RANBP2: variants seen among roughly 807,000 people sequenced by gnomAD.
RANBP2 encodes the protein E3 SUMO-protein ligase RanBP2.
Under a neutral mutation model 303.6 loss-of-function variants are expected in RANBP2, and 57 were observed. That is an observed-to-expected ratio of 0.19 (90% confidence interval 0.15 to 0.23). The LOEUF (loss-of-function observed/expected upper bound fraction) is 0.23. RANBP2 is among the 10% of genes least tolerant of loss of function. The pLI, the probability that RANBP2 is intolerant of heterozygous loss-of-function variation, is 1.00. For missense variants in RANBP2, 3,138 were observed against 3,780.8 expected, an observed-to-expected ratio of 0.83 and a Z score of 4.46; for synonymous variants, 1,167 against 1,301.5, an observed-to-expected ratio of 0.90 and a Z score of 2.23.
the RANBP2 span, among the ~76,000 whole-genome samples, chr2:109,440,423 C>A: frequency 3.3e-5 from 5 of 152,104 alleles, no homozygotes; most frequent in African/African-American, 1.2e-4. Flanking sequence ...TTCTTCTAGA[C>A]CACGTAAGGA....
the RANBP2 span, among the ~76,000 whole-genome samples, chr2:108,945,481 A>G: frequency 6.6e-6 from 1 of 152,176 alleles, no homozygotes. Flanking sequence ...AAAAGGGGCA[A>G]TGTCTCTGGG....
the RANBP2 span, among the ~76,000 whole-genome samples, chr2:109,106,099 G>T: frequency 6.6e-6 from 1 of 151,544 alleles, no homozygotes; most frequent in Non-Finnish European, 1.5e-5. Flanking sequence ...CTGACCTCGT[G>T]GTCTGCCCGC....
the RANBP2 span, among the ~76,000 whole-genome samples, chr2:109,587,270 G>A: frequency 9.9e-5 from 15 of 152,184 alleles, no homozygotes; most frequent in Non-Finnish European, 1.2e-4. Context: ...AGTACTAACA[G>A]CAGATCAAAT....
the RANBP2 span, among the ~76,000 whole-genome samples, chr2:108,872,219 C>G: frequency 1.3e-5 from 2 of 151,440 alleles, no homozygotes; most frequent in African/African-American, 4.8e-5. Flanking sequence ...TTCTCTTCTT[C>G]CCTCCTTCTC....
chr2:108,954,678 C>CTT, the RANBP2 span, among the ~76,000 whole-genome samples: 1 of 146,828 alleles, frequency 6.8e-6, no homozygotes, highest in Admixed American at 6.8e-5. Context: ...GGAAGATAAT[C>CTT]TTTTTTTTTT....
the RANBP2 span, among the ~76,000 whole-genome samples, chr2:108,891,249 A>T: frequency 6.6e-6 from 1 of 152,036 alleles, no homozygotes; most frequent in African/African-American, 2.4e-5. Flanking sequence ...TTCATGTTTC[A>T]TTTGTCCTTA....
the RANBP2 span, among the ~76,000 whole-genome samples, chr2:108,882,040 G>A: frequency 6.6e-6 from 1 of 151,868 alleles, no homozygotes; most frequent in Admixed American, 6.6e-5. Flanking sequence ...TGTAGTCCTA[G>A]CAACTCGAGA....
intron 17 of RANBP2, among the ~76,000 whole-genome samples, chr2:108,757,690 C>A (rs1243593628): frequency 6.6e-6 from 1 of 152,082 alleles, no homozygotes; most frequent in Non-Finnish European, 1.5e-5. Flanking sequence ...AAAGAACACA[C>A]TGAAAGGATG....
intron 17 of RANBP2, among the ~76,000 whole-genome samples, 153 bp downstream of exon 17, chr2:108,755,412 A>G (rs1284901037): frequency 2.0e-5 from 3 of 149,286 alleles, no homozygotes; most frequent in African/African-American, 7.4e-5. Flanking sequence ...TTTTTTTAAG[A>G]CAGGGTCTTG....
the RANBP2 span, among the ~76,000 whole-genome samples, chr2:109,268,022 C>CT: frequency 2.6e-5 from 4 of 151,876 alleles, no homozygotes; most frequent in South Asian, 6.2e-4. Flanking sequence ...TCCTTGGACT[C>CT]TGTGTCCAGT....
In RANBP2 at chr2:108,765,160, G is replaced by C. The variant is rs1344366148; in HGVS notation, c.4621G>C (p.Ala1541Pro). 9.3e-6 allele frequency: 15 copies of C among 1,613,700 alleles called. No homozygotes were observed. Among genetic ancestry groups the C allele is most frequent in the Non-Finnish European group, 1.2e-5 (14 of 1,179,916 alleles). ...AAAAAGTGGATTTGAAGACATGTTTGCTAAGAAGGAAGGACAGTGGGATTG... is the reference window on the plus strand; with the variant it reads ...AAAAAGTGGATTTGAAGACATGTTTCCTAAGAAGGAAGGACAGTGGGATTG... ...TLKSGFEDMF[A>P]KKEGQWDCSS... The change falls in exon 20 of 29, where the codon GCT becomes CCT. Residue 1541 changes from alanine (A) to proline (P), a missense_variant. By Grantham distance (27) the Ala-to-Pro change is conservative. Coordinates refer to ENST00000283195, the MANE Select transcript of RANBP2 (RefSeq NM_006267.5).
the RANBP2 span, chr2:108,895,130 G>A: frequency 1.3e-5 from 2 of 152,568 alleles, no homozygotes; most frequent in African/African-American, 2.4e-5. Flanking sequence ...AACCAAATAG[G>A]TTCGAAAAAC....
the RANBP2 span, among the ~76,000 whole-genome samples, chr2:109,527,794 G>C: frequency 5.3e-3 from 805 of 152,328 alleles, 11 homozygotes; most frequent in South Asian, 0.056. Context: ...ATCTTAGCAA[G>C]TTTGCTTTGC....
At chr2:109,252,500 C>T in the RANBP2 span, among the ~76,000 whole-genome samples, 10 of 152,096 alleles carry the variant, frequency 6.6e-5, no homozygotes, top group Non-Finnish European at 1.5e-4. Context: ...CCTGGTGTTC[C>T]TGGGACTGAG....
the RANBP2 span, among the ~76,000 whole-genome samples, chr2:109,084,108 C>T: frequency 4.6e-5 from 7 of 152,302 alleles, no homozygotes; most frequent in African/African-American, 1.7e-4. Context: ...AGCTTCGCCT[C>T]CCCCAAGTAG....
At chr2:108,970,869 C>T in the RANBP2 span, among the ~76,000 whole-genome samples, 1 of 152,160 alleles carries the variant, frequency 6.6e-6, no homozygotes, top group Admixed American at 6.5e-5. Flanking sequence ...GGGGAATAGT[C>T]TACAGGACTG....
the RANBP2 span, chr2:108,812,522 GT>G: frequency 1.3e-6 from 1 of 760,824 alleles, no homozygotes; most frequent in Non-Finnish European, 2.2e-6. Flanking sequence ...TCTCTGTTTT[GT>G]TACATTGGTT....
the RANBP2 span, among the ~76,000 whole-genome samples, chr2:109,091,533 A>G: frequency 1.3e-5 from 2 of 152,214 alleles, no homozygotes; most frequent in Non-Finnish European, 2.9e-5. Context: ...TCTCTATTGC[A>G]ATTCCCCTGC....
the RANBP2 span, among the ~76,000 whole-genome samples, chr2:109,659,478 G>T: frequency 6.6e-6 from 1 of 152,224 alleles, no homozygotes; most frequent in Non-Finnish European, 1.5e-5. Context: ...TCCTGTGGGG[G>T]ATGTACTGTG....
Sources: allele counts gnomAD v4.1 joint callset (sites outside exome capture counted in the v4.1 genomes callset), GRCh38; gene constraint gnomAD v4.1.1; transcripts MANE v1.5; gene names NCBI Gene and HGNC (gene_info 2026-07-23, HGNC 2026-07-21).